Variants in SLC6A15 observed in about 807,000 individuals in gnomAD.
SLC6A15 encodes the protein solute carrier family 6 member 15.
SLC6A15 carries 33 observed loss-of-function variants against 68.5 expected under a neutral mutation model. That is an observed-to-expected ratio of 0.48 (90% CI 0.37 to 0.64). The LOEUF (loss-of-function observed/expected upper bound fraction) is 0.64, where lower values mean the gene tolerates loss of function less well. Ranked by LOEUF, SLC6A15 falls within the 30% of genes least tolerant of loss-of-function variation. The pLI is 0.00. For missense variants in SLC6A15, 747 were observed against 874.3 expected, an observed-to-expected ratio of 0.85 and a Z score of 1.84; for synonymous variants, 347 against 301.0, an observed-to-expected ratio of 1.15 and a Z score of -1.58.
intron 1 of SLC6A15, among the ~76,000 whole-genome samples, chr12:84,901,426 A>T (rs546606747): frequency 6.6e-6 from 1 of 151,960 alleles, no homozygotes; most frequent in South Asian, 2.1e-4. Context: ...TTTTAAACAC[A>T]TATAGAATTC....
At chr12:84,882,685 C>T (rs899540363) in intron 5 of SLC6A15, 1 of 173,556 alleles carries the variant, frequency 5.8e-6, no homozygotes, top group Non-Finnish European at 1.1e-5. Flanking sequence ...AACTTAATAG[C>T]CACGAAACTT....
intron 2 of SLC6A15, among the ~76,000 whole-genome samples, chr12:84,886,602 AC>A (rs1477757734): frequency 6.6e-6 from 1 of 151,762 alleles, no homozygotes; most frequent in African/African-American, 2.4e-5. Context: ...AAAAAAAAAA[AC>A]AGCAACATAA....
intron 9 of SLC6A15, among the ~76,000 whole-genome samples, chr12:84,868,000 G>A (rs1410597603): frequency 6.6e-6 from 1 of 152,186 alleles, no homozygotes. Flanking sequence ...GGTAAAAGAT[G>A]ACTGCATTCC....
intron 1 of SLC6A15, among the ~76,000 whole-genome samples, chr12:84,907,391 A>C (rs1449676231): frequency 6.6e-6 from 1 of 152,114 alleles, no homozygotes; most frequent in Non-Finnish European, 1.5e-5. Context: ...ATTATAAATA[A>C]AATAAGAAAA....
In SLC6A15 at chr12:84,861,775, C is replaced by T. The variant is rs1006033978; in HGVS notation, c.2050G>A (p.Glu684Lys). The T allele has an allele frequency of 9.9e-6, 16 of 1,613,852 alleles. No individual in the cohort carries two copies. The highest frequency in any genetic ancestry group is 2.7e-5 in the African/African-American group (2 of 74,902). The part of the protein sequence containing the change: ...TSLIHGKIPS[E>K]MPSPNFGKNI... ...TTACCAAAATTTGGAGATGGCATCT[C>T]GCTCGGTATTTTTCCGTGAATGAGG... Residue 684 changes from glutamate (E) to lysine (K), a missense_variant, in exon 12 of 12, where the codon GAG (glutamate) becomes AAG (lysine). Glu to Lys is a moderately conservative substitution (Grantham distance 56). Coordinates refer to ENST00000266682, the MANE Select transcript of SLC6A15 (RefSeq NM_182767.6).
At chr12:84,875,868 A>G (rs1271153615) in intron 6 of SLC6A15, among the ~76,000 whole-genome samples, 1 of 151,092 alleles carries the variant, frequency 6.6e-6, no homozygotes, top group African/African-American at 2.4e-5. Context: ...ATTTTCCTAA[A>G]ATATATATGC....
intron 5 of SLC6A15, chr12:84,883,611 A>C: frequency 7.1e-7 from 1 of 1,402,428 alleles, no homozygotes; most frequent in Non-Finnish European, 9.3e-7. Flanking sequence ...ATTCACAAAA[A>C]TTTTAAAGAT....
At chr12:84,906,057 T>C (rs1225352516) in intron 1 of SLC6A15, among the ~76,000 whole-genome samples, 1 of 152,224 alleles carries the variant, frequency 6.6e-6, no homozygotes, top group Non-Finnish European at 1.5e-5. Context: ...TAAATTCTAA[T>C]GAATCTACAA....
chr12:84,876,587 C>A lies in SLC6A15; in HGVS notation c.777G>T (p.Leu259=). 6.4e-7 allele frequency: 1 copy of A among 1,566,066 alleles called. No homozygotes were observed. Among genetic ancestry groups the A allele is most frequent in the South Asian group, 1.2e-5 (1 of 84,080 alleles). Residue 259 remains leucine, a synonymous_variant, in exon 6 of 12, where the codon CTG becomes CTT. Coordinates refer to ENST00000266682, the MANE Select transcript of SLC6A15 (RefSeq NM_182767.6). ...SSGKIIYFSS[L]FPYVVLICFL... ...AGCAAATAAGTACCACATATGGAAA[C>A]AGAGAACTAAAATATATGATCTGCA...
At chr12:84,893,686 A>T (rs1442157524) in intron 1 of SLC6A15, among the ~76,000 whole-genome samples, 1 of 152,220 alleles carries the variant, frequency 6.6e-6, no homozygotes, top group Admixed American at 6.5e-5. Context: ...CAGCTATCAT[A>T]TTTCAATCTA....
At chr12:84,879,747 A>T (rs1871733671) in intron 5 of SLC6A15, among the ~76,000 whole-genome samples, 1 of 147,954 alleles carries the variant, frequency 6.8e-6, no homozygotes, top group Non-Finnish European at 1.5e-5. Context: ...TTAAGATAAA[A>T]CTTATAGGAA....
At chr12:84,871,654 T>C (rs11116639) in intron 8 of SLC6A15, among the ~76,000 whole-genome samples, 2 of 152,316 alleles carry the variant, frequency 1.3e-5, no homozygotes, top group East Asian at 3.9e-4. Context: ...TTTATATTAA[T>C]GATGGCTTTA....
At chr12:84,889,497 A>AAAAAATAAAAAT (rs534377256) in intron 2 of SLC6A15, among the ~76,000 whole-genome samples, 16,104 of 146,736 alleles carry the variant, frequency 0.11, 1,036 homozygotes, top group South Asian at 0.23. Flanking sequence ...CGGTCTCAGA[A>AAAAAATAAAAAT]AAAAATAAAA....
chr12:84,890,110 T>C (rs2120667831), intron 2 of SLC6A15, among the ~76,000 whole-genome samples: 1 of 152,336 alleles, frequency 6.6e-6, no homozygotes, highest in South Asian at 2.1e-4. Context: ...TCTTTGGTAC[T>C]GTAACAACCA....
At chr12:84,872,521 T>C in intron 8 of SLC6A15, 81 bp downstream of exon 8, 2 of 1,208,928 alleles carry the variant, frequency 1.7e-6, no homozygotes, top group East Asian at 2.5e-5. Context: ...TTTAAGGCCC[T>C]TTTCCTGAAG....
chr12:84,881,669 T>C, intron 5 of SLC6A15: 1 of 972,224 alleles, frequency 1.0e-6, no homozygotes, highest in Non-Finnish European at 1.2e-6. Flanking sequence ...ATTCTTCTTT[T>C]AGCTGCTAAA....
intron 10 of SLC6A15, 51 bp from the exon 11 acceptor site, chr12:84,863,652 C>T (rs1870946003): frequency 1.5e-6 from 2 of 1,330,510 alleles, no homozygotes; most frequent in Non-Finnish European, 2.0e-6. Flanking sequence ...ATTGCTAAAC[C>T]TTAAAAAATG....
intron 1 of SLC6A15, among the ~76,000 whole-genome samples, chr12:84,910,149 G>A (rs1297735668): frequency 6.6e-6 from 1 of 151,716 alleles, no homozygotes; most frequent in African/African-American, 2.4e-5. Flanking sequence ...TTCTTAATTC[G>A]ATTAAAATAC....
At chr12:84,910,367 G>A (rs560747930) in intron 1 of SLC6A15, among the ~76,000 whole-genome samples, 6 of 151,868 alleles carry the variant, frequency 4.0e-5, no homozygotes, top group African/African-American at 9.7e-5. Context: ...AATTTGTTGG[G>A]ATATGTTTTA....
Sources: allele counts gnomAD v4.1 joint callset (sites outside exome capture counted in the v4.1 genomes callset), GRCh38; gene constraint gnomAD v4.1.1; transcripts MANE v1.5; gene names NCBI Gene and HGNC (gene_info 2026-07-23, HGNC 2026-07-21).